GPC5: variants seen among roughly 807,000 people sequenced by gnomAD.
GPC5 encodes the protein glypican-5.
Under a neutral mutation model 53.9 loss-of-function variants are expected in GPC5, and 47 were observed. The ratio of observed to expected loss-of-function variants is 0.87; its 90% CI spans 0.69 to 1.11. The LOEUF (loss-of-function observed/expected upper bound fraction) is 1.11, where lower values mean the gene tolerates loss of function less well. Ranked by LOEUF, GPC5 falls within the 50% of genes most tolerant of loss-of-function variation. The pLI is 0.00. For missense variants in GPC5, 748 were observed against 713.1 expected (o/e 1.05, Z -0.56); for synonymous variants, 286 against 263.3 (o/e 1.09, Z -0.84).
At chr13:91,562,314 G>C (rs896119682) in intron 2 of GPC5, among the ~76,000 whole-genome samples, 3 of 151,218 alleles carry the variant, frequency 2.0e-5, no homozygotes, top group Admixed American at 6.6e-5. Context: ...AAAGAATAAA[G>C]TACAGCATGA....
chr13:91,556,587 C>CCA (rs1471954998), intron 2 of GPC5, among the ~76,000 whole-genome samples: 6 of 146,372 alleles, frequency 4.1e-5, no homozygotes, highest in African/African-American at 1.3e-4. Flanking sequence ...ACACAGACAC[C>CCA]CACACACACA....
chr13:92,367,259 C>T (rs944745792), intron 7 of GPC5, among the ~76,000 whole-genome samples: 5 of 152,142 alleles, frequency 3.3e-5, no homozygotes, highest in African/African-American at 1.2e-4. Context: ...TTTTATGTTC[C>T]ATGTTATTTT....
rs368802387 is a variant in GPC5, at chr13:92,354,704, T to C, written c.1561+209715T>C. On this transcript the variant is annotated intron_variant, in intron 7 of 7. Coordinates refer to ENST00000377067, the MANE Select transcript of GPC5 (RefSeq NM_004466.6). Reference sequence around the variant, plus strand: ...TGTATTCTGGGAGGTCAGAGAATCATAACCGATGAGATGGGATTTAAGCTG... The same window carrying C: ...TGTATTCTGGGAGGTCAGAGAATCACAACCGATGAGATGGGATTTAAGCTG... Among the ~76,000 whole-genome samples the C allele has an allele frequency of 1.7e-3, 255 of 152,306 alleles. 1 individual carries two copies. Among genetic ancestry groups the C allele is most frequent in the Non-Finnish European group, 3.0e-3 (205 of 68,026 alleles).
intron 1 of GPC5, among the ~76,000 whole-genome samples, chr13:91,425,790 C>A (rs958483976): frequency 6.6e-6 from 1 of 152,074 alleles, no homozygotes; most frequent in Admixed American, 6.6e-5. Context: ...AGGTAATGGG[C>A]AGAGGTTGGA....
At chr13:92,743,090 T>G (rs1889147832) in intron 7 of GPC5, among the ~76,000 whole-genome samples, 1 of 148,096 alleles carries the variant, frequency 6.8e-6, no homozygotes, top group Admixed American at 6.8e-5. Context: ...CACATGAACT[T>G]TAAAGTAGTT....
chr13:91,609,885 G>T (rs1489844028), intron 2 of GPC5, among the ~76,000 whole-genome samples: 2 of 152,180 alleles, frequency 1.3e-5, no homozygotes, highest in Non-Finnish European at 2.9e-5. Flanking sequence ...AGTACATTCG[G>T]CCTGAGAATT....
At chr13:92,853,404 T>C (rs1878879409) in intron 7 of GPC5, among the ~76,000 whole-genome samples, 1 of 152,188 alleles carries the variant, frequency 6.6e-6, no homozygotes, top group African/African-American at 2.4e-5. Flanking sequence ...ATCTCATAAG[T>C]ATGTATATCT....
chr13:91,560,074 G>A (rs902093520), intron 2 of GPC5, among the ~76,000 whole-genome samples: 1 of 152,060 alleles, frequency 6.6e-6, no homozygotes, highest in Admixed American at 6.6e-5. Flanking sequence ...GTTATCTTGT[G>A]CAACTTGAGT....
intron 7 of GPC5, among the ~76,000 whole-genome samples, chr13:92,456,467 A>G (rs1878271297): frequency 6.6e-6 from 1 of 152,154 alleles, no homozygotes; most frequent in East Asian, 1.9e-4. Flanking sequence ...CCTTTCCGTC[A>G]TCCATCCTCC....
At chr13:92,446,620 G>A (rs571816289) in intron 7 of GPC5, 13 of 152,144 alleles carry the variant, frequency 8.5e-5, no homozygotes, top group Admixed American at 2.6e-4. Flanking sequence ...TCGATATACC[G>A]ATTTCCTTTC....
intron 7 of GPC5, among the ~76,000 whole-genome samples, chr13:92,662,561 C>T (rs1008527953): frequency 3.9e-5 from 6 of 152,094 alleles, no homozygotes; most frequent in African/African-American, 7.2e-5. Context: ...CCATTTGTCC[C>T]GCCAGCCAGC....
At chr13:92,821,432 T>A (rs1184368236) in intron 7 of GPC5, among the ~76,000 whole-genome samples, 1 of 152,182 alleles carries the variant, frequency 6.6e-6, no homozygotes, top group Non-Finnish European at 1.5e-5. Context: ...CCCGAGGAGT[T>A]GGAAATGGTC....
chr13:92,339,498 T>C (rs1038359228), intron 7 of GPC5, among the ~76,000 whole-genome samples: 1 of 152,082 alleles, frequency 6.6e-6, no homozygotes, highest in Non-Finnish European at 1.5e-5. Context: ...TTTATAACGT[T>C]AACTACACTT....
chr13:92,222,356 A>G (rs977890536), intron 7 of GPC5, among the ~76,000 whole-genome samples: 1 of 152,190 alleles, frequency 6.6e-6, no homozygotes, highest in African/African-American at 2.4e-5. Flanking sequence ...GATGCATCTG[A>G]AATTGTTGAT....
intron 7 of GPC5, among the ~76,000 whole-genome samples, chr13:92,752,736 C>T (rs528687662): frequency 2.6e-5 from 4 of 152,194 alleles, no homozygotes; most frequent in African/African-American, 9.6e-5. Flanking sequence ...ACGGAGGGCA[C>T]CTGGAAAATC....
chr13:92,736,965 T>G (rs1460685207), intron 7 of GPC5, among the ~76,000 whole-genome samples: 5 of 152,002 alleles, frequency 3.3e-5, no homozygotes, highest in African/African-American at 1.2e-4. Context: ...AGCTACTGGA[T>G]TTGAGCTGGG....
intron 7 of GPC5, among the ~76,000 whole-genome samples, chr13:92,385,421 C>CATATATACATATATACAT (rs1251343482): frequency 8.3e-4 from 25 of 30,058 alleles, no homozygotes; most frequent in South Asian, 2.2e-3. Flanking sequence ...CATATATATA[C>CATATATACATATATACAT]ATATATACAT....
At chr13:91,967,495 TA>T (rs1247933522) in intron 6 of GPC5, among the ~76,000 whole-genome samples, 17 of 152,056 alleles carry the variant, frequency 1.1e-4, no homozygotes, top group African/African-American at 3.9e-4. Context: ...CATATTAAAT[TA>T]AAAAAATTAT....
intron 7 of GPC5, among the ~76,000 whole-genome samples, chr13:92,613,061 T>A (rs1352033366): frequency 4.0e-5 from 6 of 150,996 alleles, no homozygotes; most frequent in Non-Finnish European, 8.8e-5. Flanking sequence ...GAAGAGGACA[T>A]CTAACTTTAC....
Sources: allele counts gnomAD v4.1 joint callset (sites outside exome capture counted in the v4.1 genomes callset), GRCh38; gene constraint gnomAD v4.1.1; transcripts MANE v1.5; gene names NCBI Gene and HGNC (gene_info 2026-07-23, HGNC 2026-07-21).